TGFBR3: variants seen among roughly 807,000 people sequenced by gnomAD.
TGFBR3 encodes the protein transforming growth factor beta receptor 3.
Under a neutral mutation model 87.9 loss-of-function variants are expected in TGFBR3, and 46 were observed. The ratio of observed to expected loss-of-function variants is 0.52; its 90% CI spans 0.41 to 0.67. The LOEUF is 0.67. Ranked by LOEUF, TGFBR3 falls within the 30% of genes least tolerant of loss-of-function variation. TGFBR3 has a pLI of 0.00. For synonymous variants in TGFBR3, 381 were observed against 391.6 expected (o/e 0.97, Z 0.32); for missense variants, 866 against 1,041.9 (o/e 0.83, Z 2.32).
At chr1:91,903,669 C>T (rs983612758) in intron 1 of TGFBR3, among the ~76,000 whole-genome samples, 9 of 151,902 alleles carry the variant, frequency 5.9e-5, no homozygotes, top group East Asian at 5.8e-4. Context: ...CTTAGGAGTT[C>T]GAGGCTGCAG....
At chr1:91,695,470 A>C in intron 16 of TGFBR3, 1 of 584,288 alleles carries the variant, frequency 1.7e-6, no homozygotes, top group East Asian at 3.1e-5. Flanking sequence ...CAATTAGCAC[A>C]GTTTAAACCT....
At chr1:91,905,559 AGT>A (rs1679828168) in intron 1 of TGFBR3, among the ~76,000 whole-genome samples, 1 of 152,020 alleles carries the variant, frequency 6.6e-6, no homozygotes, top group African/African-American at 2.4e-5. Context: ...CAGCCTCCCA[AGT>A]GGCTGGGATT....
chr1:91,759,297 T>C (rs770343964), intron 3 of TGFBR3, among the ~76,000 whole-genome samples: 3 of 150,510 alleles, frequency 2.0e-5, no homozygotes, highest in Non-Finnish European at 2.9e-5. Context: ...GCTTTCATTG[T>C]CTCAGCTTTT....
intron 12 of TGFBR3, among the ~76,000 whole-genome samples, chr1:91,715,112 C>T (rs1672118177): frequency 1.3e-5 from 2 of 152,182 alleles, no homozygotes; most frequent in Non-Finnish European, 2.9e-5. Flanking sequence ...AAAACCAGCT[C>T]ATTAGATGAG....
chr1:91,740,198 T>C (rs1673113405), intron 4 of TGFBR3, among the ~76,000 whole-genome samples: 1 of 152,098 alleles, frequency 6.6e-6, no homozygotes, highest in African/African-American at 2.4e-5. Context: ...TAGCTGGGAT[T>C]ACAGGCGTGT....
At position 91,683,759 on chromosome 1, in the gene TGFBR3, A is replaced by G; in HGVS notation, c.2536T>C (p.Ser846Pro). The change falls in exon 17 of 17, where the codon TCC becomes CCC. Residue 846 changes from serine (S) to proline (P), a missense_variant. Physicochemically the swap from Ser to Pro is moderately conservative, Grantham distance 74. Coordinates refer to ENST00000212355, the MANE Select transcript of TGFBR3 (RefSeq NM_003243.5). The stretch of plus-strand genomic sequence containing the variant: ...TTGGGCTAGGCCGTGCTGCTGCTGG[A>G]GCAAGGCGTGCTCTGCGTGCTGCCG... ...SIGSTQSTPC[S>P]SSSTA is the part of the protein sequence containing the mutation. The G allele has an allele frequency of 6.3e-7, 1 of 1,589,734 alleles. No homozygotes were observed. The highest frequency in any genetic ancestry group is 8.5e-7 in the Non-Finnish European group (1 of 1,171,624).
chr1:91,722,350 T>C (rs1191281657), intron 7 of TGFBR3, among the ~76,000 whole-genome samples: 1 of 152,176 alleles, frequency 6.6e-6, no homozygotes, highest in Non-Finnish European at 1.5e-5. Flanking sequence ...TGCTGCTTGA[T>C]CATACTATTT....
intron 1 of TGFBR3, among the ~76,000 whole-genome samples, chr1:91,903,334 G>T (rs1426704825): frequency 4.9e-5 from 1 of 20,442 alleles, no homozygotes; most frequent in East Asian, 6.8e-4. Context: ...GTGAGATTCT[G>T]CCTCAAAAAA....
chr1:91,779,281 C>T (rs1233884998), intron 3 of TGFBR3, among the ~76,000 whole-genome samples: 1 of 152,192 alleles, frequency 6.6e-6, no homozygotes, highest in Non-Finnish European at 1.5e-5. Flanking sequence ...ATATTCCACG[C>T]ACTGTTCTAA....
intron 2 of TGFBR3, among the ~76,000 whole-genome samples, chr1:91,837,253 A>AT (rs1677098849): frequency 7.6e-6 from 1 of 131,434 alleles, no homozygotes; most frequent in African/African-American, 2.9e-5. Context: ...TATTTATTTA[A>AT]TTTTCCAAGA....
At chr1:91,734,981 A>T in intron 4 of TGFBR3, 22 bp from the exon 5 acceptor site, 1 of 1,613,900 alleles carries the variant, frequency 6.2e-7, no homozygotes, top group Non-Finnish European at 8.5e-7. Context: ...AGAATTGCGT[A>T]TTTAACATGG....
chr1:91,834,227 T>C (rs1257766239), intron 2 of TGFBR3, among the ~76,000 whole-genome samples: 4 of 152,220 alleles, frequency 2.6e-5, no homozygotes, highest in African/African-American at 9.6e-5. Context: ...TGGGCTGATT[T>C]TAAAATCCAA....
chr1:91,816,481 T>C (rs973581319), intron 2 of TGFBR3, among the ~76,000 whole-genome samples: 2 of 152,198 alleles, frequency 1.3e-5, no homozygotes, highest in East Asian at 3.8e-4. Context: ...ACATACTAAG[T>C]TGGATAACAT....
intron 2 of TGFBR3, among the ~76,000 whole-genome samples, chr1:91,847,069 G>A (rs1677530816): frequency 1.3e-5 from 2 of 152,196 alleles, no homozygotes. Context: ...CAAAAACAGT[G>A]ATGAGGCCAG....
At chr1:91,775,365 C>T (rs1674530725) in intron 3 of TGFBR3, among the ~76,000 whole-genome samples, 1 of 152,246 alleles carries the variant, frequency 6.6e-6, no homozygotes, top group South Asian at 2.1e-4. Flanking sequence ...TCCACTCCAG[C>T]CATACTGGCC....
chr1:91,756,027 T>C (rs1440705527), intron 4 of TGFBR3, among the ~76,000 whole-genome samples: 1 of 152,236 alleles, frequency 6.6e-6, no homozygotes, highest in East Asian at 1.9e-4. Context: ...AACAGCCCTA[T>C]GATGCAGGGC....
At chr1:91,741,772 C>T (rs1465197041) in intron 4 of TGFBR3, among the ~76,000 whole-genome samples, 1 of 152,138 alleles carries the variant, frequency 6.6e-6, no homozygotes, top group Admixed American at 6.5e-5. Flanking sequence ...GGAGGCTTGC[C>T]ACAACACTGT....
chr1:91,800,236 AAAAAAAT>A lies in TGFBR3; in HGVS notation c.62-2772_62-2766del, dbSNP rs199980705. On this transcript the variant is annotated intron_variant, in intron 2 of 16. Transcript: ENST00000212355. Reference sequence around the variant, plus strand: ...ATGAAACCCCATCTCTACAAAAAAAAAAAAAATATATATATATATACACACACACACA... The same window carrying A: ...ATGAAACCCCATCTCTACAAAAAAAAATATATATATATACACACACACACA... Among the ~76,000 whole-genome samples, 400 of 133,012 alleles carry A rather than the reference AAAAAAAT, an allele frequency of 3.0e-3. 5 individuals are homozygous for A. Among genetic ancestry groups the A allele is most frequent in the African/African-American group, 4.7e-3 (152 of 32,540 alleles). 87.3% of individuals were successfully genotyped at this position (133,012 alleles called of 152,430 possible).
chr1:91,886,652 G>T (rs1242026596), upstream of TGFBR3, among the ~76,000 whole-genome samples: 1 of 152,150 alleles, frequency 6.6e-6, no homozygotes, highest in Non-Finnish European at 1.5e-5. Context: ...CTCCCCAGCA[G>T]AGCTCCCCCA....
Sources: allele counts gnomAD v4.1 joint callset (sites outside exome capture counted in the v4.1 genomes callset), GRCh38; gene constraint gnomAD v4.1.1; transcripts MANE v1.5; gene names NCBI Gene and HGNC (gene_info 2026-07-23, HGNC 2026-07-21).